Variants in SNX29 observed in about 807,000 individuals in gnomAD.
SNX29 encodes the protein sorting nexin-29.
Under a neutral mutation model 102.1 loss-of-function variants are expected in SNX29, and 78 were observed. The ratio of observed to expected loss-of-function variants is 0.76; its 90% CI spans 0.64 to 0.92. The LOEUF (loss-of-function observed/expected upper bound fraction) is 0.92. Among genes scored for constraint, SNX29 ranks in the 40% least tolerant of loss-of-function variants. SNX29 has a pLI of 0.00. For missense variants in SNX29, 1,280 were observed against 1,061.7 expected, an observed-to-expected ratio of 1.21 and a Z score of -2.86; for synonymous variants, 580 against 414.5, an observed-to-expected ratio of 1.40 and a Z score of -4.85.
intron 18 of SNX29, among the ~76,000 whole-genome samples, chr16:12,470,207 C>G (rs1030653118): frequency 6.6e-6 from 1 of 152,150 alleles, no homozygotes; most frequent in Admixed American, 6.5e-5. Flanking sequence ...AGATGCAGGA[C>G]TTTGGATCAT....
At chr16:12,114,778 G>C (rs1412803593) in intron 11 of SNX29, among the ~76,000 whole-genome samples, 1 of 152,036 alleles carries the variant, frequency 6.6e-6, no homozygotes, top group East Asian at 1.9e-4. Flanking sequence ...TAGTAGAGAC[G>C]GGGTTTCAGC....
At chr16:12,048,957 C>T (rs964583872) in intron 7 of SNX29, among the ~76,000 whole-genome samples, 6 of 152,238 alleles carry the variant, frequency 3.9e-5, no homozygotes, top group Non-Finnish European at 2.9e-5. Flanking sequence ...GGCGGTGAGC[C>T]GAATAGGAAA....
chr16:12,546,138 G>A (rs934563489), intron 20 of SNX29: 2 of 152,180 alleles, frequency 1.3e-5, no homozygotes, highest in Non-Finnish European at 2.9e-5. Context: ...ACAAAACAGA[G>A]CTAATAACCT....
At chr16:12,038,812 T>G (rs1567552733) in intron 4 of SNX29, 1 of 152,226 alleles carries the variant, frequency 6.6e-6, no homozygotes, top group African/African-American at 2.4e-5. Context: ...ACTGGAAATG[T>G]GATGGACGTA....
chr16:12,246,920 C>T (rs1004320655), intron 14 of SNX29, among the ~76,000 whole-genome samples: 1 of 152,118 alleles, frequency 6.6e-6, no homozygotes, highest in African/African-American at 2.4e-5. Flanking sequence ...GGTTTGTCTC[C>T]TTGCCTTGGA....
At chr16:12,128,987 G>T (rs917833593) in intron 12 of SNX29, among the ~76,000 whole-genome samples, 1 of 152,136 alleles carries the variant, frequency 6.6e-6, no homozygotes, top group African/African-American at 2.4e-5. Context: ...TCCTGTGCTG[G>T]CTGCCAGCCC....
intron 16 of SNX29, among the ~76,000 whole-genome samples, chr16:12,362,372 T>A (rs2082324723): frequency 6.6e-6 from 1 of 152,206 alleles, no homozygotes; most frequent in African/African-American, 2.4e-5. Flanking sequence ...CTTGGGGCTT[T>A]GGAAAGGGTG....
chr16:12,277,417 A>C (rs543034700), intron 14 of SNX29, among the ~76,000 whole-genome samples: 302 of 152,184 alleles, frequency 2.0e-3, no homozygotes, highest in Non-Finnish European at 3.0e-3. Context: ...AAAAACAAAC[A>C]AAACCTCCAC....
chr16:12,265,885 G>A (rs1178922120), intron 14 of SNX29, among the ~76,000 whole-genome samples: 1 of 151,908 alleles, frequency 6.6e-6, no homozygotes, highest in African/African-American at 2.4e-5. Flanking sequence ...GAGACACCCT[G>A]TCTCAAAAAA....
At chr16:12,015,102 A>G (rs908895370) in intron 3 of SNX29, among the ~76,000 whole-genome samples, 3 of 152,160 alleles carry the variant, frequency 2.0e-5, no homozygotes, top group African/African-American at 4.8e-5. Flanking sequence ...TTATTTACAG[A>G]TAAAATAGCC....
At chr16:12,376,906 C>T (rs1035158917) in intron 16 of SNX29, among the ~76,000 whole-genome samples, 6 of 152,032 alleles carry the variant, frequency 3.9e-5, no homozygotes, top group African/African-American at 1.2e-4. Flanking sequence ...AATTTCATGT[C>T]TTGAGGGTTG....
chr16:12,402,354 A>G (rs1280680885), intron 17 of SNX29, among the ~76,000 whole-genome samples: 1 of 152,212 alleles, frequency 6.6e-6, no homozygotes, highest in Non-Finnish European at 1.5e-5. Flanking sequence ...GGTGTCTCAA[A>G]TTGTGTTCCA....
In SNX29 at chr16:12,516,266, G is replaced by A. The variant is rs1373217134; in HGVS notation, c.2179-8436G>A. Among the ~76,000 whole-genome samples, 6 of 152,090 alleles carry A rather than the reference G, an allele frequency of 3.9e-5. No individual in the cohort carries two copies. The East Asian group carries it at 1.2e-3, about 29-fold the overall frequency. On this transcript the variant is annotated intron_variant, in intron 19 of 20. Transcript: ENST00000566228. The stretch of plus-strand genomic sequence containing the variant: ...AGGCTGAGGAGGGAGGCTCGCTTAA[G>A]CCCAGGAGTTCAAGACCTGCCTGGG...
chr16:12,567,497 A>C (rs2079060346), intron 20 of SNX29, among the ~76,000 whole-genome samples: 1 of 152,198 alleles, frequency 6.6e-6, no homozygotes, highest in Non-Finnish European at 1.5e-5. Context: ...GATGTGATTA[A>C]GGATTGGCCA....
rs2078861211 is a variant in SNX29 at position 12,563,712 on chromosome 16, G to GA, written c.2319-4791dup. On this transcript the variant is annotated intron_variant, in intron 20 of 20. Coordinates refer to ENST00000566228, the MANE Select transcript of SNX29 (RefSeq NM_032167.5). ...TGGCCTCATGTAAGAGGAACATGAGGAAAGCCAGAGATGGCACTGTCATTC... is the reference window on the plus strand; with the variant it reads ...TGGCCTCATGTAAGAGGAACATGAGGAAAAGCCAGAGATGGCACTGTCATTC... Among the ~76,000 whole-genome samples the GA allele has an allele frequency of 2.6e-5, 4 of 152,190 alleles. No individual in the cohort carries two copies. In the South Asian group the frequency reaches 8.3e-4, roughly 32 times the overall value.
chr16:12,464,406 G>A (rs1358463891), intron 18 of SNX29, among the ~76,000 whole-genome samples: 1 of 152,102 alleles, frequency 6.6e-6, no homozygotes, highest in Non-Finnish European at 1.5e-5. Context: ...CATAGCTCTT[G>A]AGGGTACTAA....
In SNX29 at chr16:12,574,179, T is replaced by C. The variant is rs1483889480; in HGVS notation, c.*5550T>C. 1 of 179,508 alleles carries C rather than the reference T, an allele frequency of 5.6e-6. No homozygotes were observed. Among genetic ancestry groups the C allele is most frequent in the Non-Finnish European group, 1.2e-5 (1 of 83,832 alleles). 11.1% of individuals were successfully genotyped at this position (179,508 alleles called of 1,614,324 possible). On this transcript the variant is annotated 3_prime_UTR_variant, in exon 21 of 21. Transcript: ENST00000566228. ...TTTAATTTTTTAAGATCTCTTGTATTAAAATTTTCTTTTGGAATAAGCTGT... is the reference window on the plus strand; with the variant it reads ...TTTAATTTTTTAAGATCTCTTGTATCAAAATTTTCTTTTGGAATAAGCTGT...
intron 18 of SNX29, among the ~76,000 whole-genome samples, chr16:12,431,864 C>G (rs1036832897): frequency 2.0e-5 from 3 of 152,088 alleles, no homozygotes; most frequent in Admixed American, 6.5e-5. Flanking sequence ...TTCATTTGTT[C>G]TTTCATTCAT....
intron 20 of SNX29, among the ~76,000 whole-genome samples, chr16:12,555,774 A>G (rs3135013): frequency 0.8 from 122,161 of 152,086 alleles, 49,831 homozygotes; most frequent in African/African-American, 0.88. Context: ...CAGGCTGCTC[A>G]GTGGCACCAG....
Sources: gnomAD v4.1 joint callset for allele counts (sites outside exome capture counted in the v4.1 genomes callset) on GRCh38, gnomAD v4.1.1 for gene constraint, MANE v1.5 for transcripts, NCBI Gene and HGNC (gene_info 2026-07-23, HGNC 2026-07-21) for gene names.